ORAI3: variants seen among roughly 807,000 people sequenced by gnomAD.
The protein encoded by ORAI3 is protein orai-3.
Under a neutral mutation model 17.2 loss-of-function variants are expected in ORAI3, and 15 were observed. The observed-to-expected ratio is 0.87, with a 90% CI of 0.58 to 1.34. The LOEUF (loss-of-function observed/expected upper bound fraction) is 1.34, where lower values mean the gene tolerates loss of function less well. Ranked by LOEUF, ORAI3 falls within the 40% of genes most tolerant of loss-of-function variation. The pLI, the probability that ORAI3 is intolerant of heterozygous loss-of-function variation, is 0.00. For missense variants in ORAI3, 405 were observed against 396.7 expected, an observed-to-expected ratio of 1.02 and a Z score of -0.18; for synonymous variants, 178 against 172.4, an observed-to-expected ratio of 1.03 and a Z score of -0.25.
In ORAI3 at chr16:30,949,417, A is replaced by G. The variant is rs1398892271; in HGVS notation, c.128A>G (p.Gln43Arg). The change falls in exon 1 of 2, where the codon CAG becomes CGG. Residue 43 changes from glutamine (Q) to arginine (R), a missense_variant. Gln to Arg is a conservative substitution (Grantham distance 43). Transcript: ENST00000318663. ...RGYLDLMGAS[Q>R]HSLRALSWRR... ...TACCTGGACCTCATGGGGGCCAGTC[A>G]GCACTCGCTGCGGGCGCTCAGCTGG... is the stretch of plus-strand genomic sequence containing the variant. 1.2e-6 allele frequency: 2 copies of G among 1,604,546 alleles called. No individual in the cohort carries two copies. Among genetic ancestry groups the G allele is most frequent in the African/African-American group, 1.3e-5 (1 of 74,746 alleles).
intron 1 of ORAI3, among the ~76,000 whole-genome samples, chr16:30,951,693 CAAG>C (rs2055925610): frequency 6.6e-6 from 1 of 150,614 alleles, no homozygotes; most frequent in Non-Finnish European, 1.5e-5. Context: ...GGCAACATAG[CAAG>C]ACCTGGCATC....
At chr16:30,950,551 G>C (rs1040132488) in intron 1 of ORAI3, among the ~76,000 whole-genome samples, 6 of 152,168 alleles carry the variant, frequency 3.9e-5, no homozygotes, top group Admixed American at 1.3e-4. Context: ...ACTCCTGTGG[G>C]GGTGGATATC....
intron 1 of ORAI3, chr16:30,949,878 T>G: frequency 1.0e-5 from 2 of 196,440 alleles, no homozygotes; most frequent in South Asian, 1.4e-4. Context: ...GCAGGTCAGC[T>G]GGGTGGGGGC....
In ORAI3 at chr16:30,954,233, T is replaced by TG. The variant is rs1186608633; in HGVS notation, c.*389_*390insG. ...GGCAGCCAATTGTTGGTTTAATTTT[T>TG]TTTTTTTTTTGAGACAGTCTGTTTC... On this transcript the variant is annotated 3_prime_UTR_variant, in exon 2 of 2. Coordinates refer to ENST00000318663, the MANE Select transcript of ORAI3 (RefSeq NM_152288.3). The TG allele has an allele frequency of 1.5e-6, 1 of 652,368 alleles. No homozygotes were observed. The highest frequency in any genetic ancestry group is 2.7e-5 in the East Asian group (1 of 36,874). The allele number at this position is 652,368 out of a possible 1,614,324, so 40.4% of individuals were successfully genotyped here. A position where few individuals can be genotyped will look rare whatever the true frequency, so the allele number is the denominator to read the frequency against.
At position 30,949,276 on chromosome 16, in the gene ORAI3, G is replaced by GCCCCC. The variant is rs35221000; in HGVS notation, c.-8_-4dup. Reference sequence around the variant, plus strand: ...CGCCCCGTAGTGACCGCCTGGTGCCGCCCCCCCCCCAGGATGAAGGGCGGC... The same window carrying GCCCCC: ...CGCCCCGTAGTGACCGCCTGGTGCCGCCCCCCCCCCCCCCCAGGATGAAGGGCGGC... On this transcript the variant is annotated 5_prime_UTR_variant, in exon 1 of 2. Coordinates refer to ENST00000318663, the MANE Select transcript of ORAI3 (RefSeq NM_152288.3). 4 of 1,136,226 alleles carry GCCCCC rather than the reference G, an allele frequency of 3.5e-6. No homozygotes were observed. Among genetic ancestry groups the GCCCCC allele is most frequent in the Middle Eastern group, 3.2e-4 (1 of 3,166 alleles). 70.4% of individuals were successfully genotyped at this position (1,136,226 alleles called of 1,614,324 possible).
At position 30,949,157 on chromosome 16, in the gene ORAI3, C is replaced by CT. The variant is rs2055906865; in HGVS notation, c.-132dup. ...CTTGCTCCACTGGGGGTGCCTCTTC[C>CT]TGGGCGCCCGCCGCCTGCATCCTGC... On this transcript the variant is annotated 5_prime_UTR_variant, in exon 1 of 2. Coordinates refer to ENST00000318663, the MANE Select transcript of ORAI3 (RefSeq NM_152288.3). The CT allele has an allele frequency of 5.2e-6, 3 of 576,672 alleles. No individual in the cohort carries two copies. The highest frequency in any genetic ancestry group is 8.3e-6 in the Non-Finnish European group (3 of 359,624). The allele number at this position is 576,672 out of a possible 1,614,324, so 35.7% of individuals were successfully genotyped here.
At position 30,949,156 on chromosome 16, in the gene ORAI3, C is replaced by T. The variant is rs528416724; in HGVS notation, c.-134C>T. 417 of 570,370 alleles carry T rather than the reference C, an allele frequency of 7.3e-4. 1 individual carries two copies. The African/African-American group carries it at 7.3e-3, about 10-fold the overall frequency. 35.3% of individuals were successfully genotyped at this position (570,370 alleles called of 1,614,324 possible). A position where few individuals can be genotyped will look rare whatever the true frequency, so the allele number is the denominator to read the frequency against. On this transcript the variant is annotated 5_prime_UTR_variant, in exon 1 of 2. Transcript: ENST00000318663. ...TCTTGCTCCACTGGGGGTGCCTCTT[C>T]CTGGGCGCCCGCCGCCTGCATCCTG...
At position 30,953,260 on chromosome 16, in the gene ORAI3, A is replaced by C; in HGVS notation, c.304A>C (p.Thr102Pro). The C allele has an allele frequency of 6.2e-7, 1 of 1,612,632 alleles. No homozygotes were observed. Among genetic ancestry groups the C allele is most frequent in the Non-Finnish European group, 8.5e-7 (1 of 1,179,226 alleles). ...PGLLVAFSAC[T>P]TVLVAVHLFA... ...CCTGCTGGTGGCCTTCAGTGCCTGC[A>C]CCACCGTGCTGGTGGCTGTGCACCT... The change falls in exon 2 of 2, where the codon ACC (threonine) becomes CCC (proline). Residue 102 changes from threonine (T) to proline (P), a missense_variant. Coordinates refer to ENST00000318663, the MANE Select transcript of ORAI3 (RefSeq NM_152288.3).
chr16:30,949,529 G>A lies in ORAI3; in HGVS notation c.228+12G>A. On this transcript the variant is annotated intron_variant, in intron 1 of 1. Coordinates refer to ENST00000318663, the MANE Select transcript of ORAI3 (RefSeq NM_152288.3). Reference sequence around the variant, plus strand: ...CGGGCTTCGCCATGGTGAGGGGCCGGGAGGGGTCACACCCGGTGGGGCAGA... The same window carrying A: ...CGGGCTTCGCCATGGTGAGGGGCCGAGAGGGGTCACACCCGGTGGGGCAGA... 6.4e-7 allele frequency: 1 copy of A among 1,558,086 alleles called. No homozygotes were observed. The highest frequency in any genetic ancestry group is 8.6e-7 in the Non-Finnish European group (1 of 1,156,076).
rs553138164 is a variant in ORAI3, at chr16:30,953,861, C to A, written c.*17C>A. On this transcript the variant is annotated 3_prime_UTR_variant, in exon 2 of 2. Transcript: ENST00000318663. ...GCTGTGTGAGACTGGTGTTAGCCAC[C>A]GCTCACTGCAAGCACTGCCTCCCTC... The A allele has an allele frequency of 1.5e-4, 234 of 1,593,440 alleles. No homozygotes were observed. Among genetic ancestry groups the A allele is most frequent in the Non-Finnish European group, 1.8e-4 (208 of 1,171,348 alleles).
chr16:30,954,370 G>T lies in ORAI3; in HGVS notation c.*526G>T. 8.2e-6 allele frequency: 4 copies of T among 490,448 alleles called. 1 individual carries two copies. The highest frequency in any genetic ancestry group is 5.6e-4 in the Middle Eastern group (1 of 1,796). 30.4% of individuals were successfully genotyped at this position (490,448 alleles called of 1,614,324 possible). ...GTAGTGAGTAGCTGGTACTACAGGT[G>T]TGTGCTGCCACACCCGACTAATTTT... On this transcript the variant is annotated 3_prime_UTR_variant, in exon 2 of 2. Coordinates refer to ENST00000318663, the MANE Select transcript of ORAI3 (RefSeq NM_152288.3).
chr16:30,953,116 C>T (rs1338586221), intron 1 of ORAI3, 69 bp from the exon 2 acceptor site: 62 of 1,459,816 alleles, frequency 4.2e-5, no homozygotes, highest in East Asian at 1.8e-4. Flanking sequence ...TGATGTATCC[C>T]GATAGGCGGA....
chr16:30,951,744 CA>C (rs2143417539), intron 1 of ORAI3, among the ~76,000 whole-genome samples: 1 of 152,156 alleles, frequency 6.6e-6, no homozygotes, highest in African/African-American at 2.4e-5. Flanking sequence ...ATGACCTTTC[CA>C]AGGGGAGCAG....
rs929139032 is a variant in ORAI3, at chr16:30,949,317, G to A, written c.28G>A (p.Glu10Lys). The A allele has an allele frequency of 2.1e-6, 3 of 1,438,892 alleles. No individual in the cohort carries two copies. Among genetic ancestry groups the A allele is most frequent in the Non-Finnish European group, 2.7e-6 (3 of 1,098,080 alleles). 89.1% of individuals were successfully genotyped at this position (1,438,892 alleles called of 1,614,324 possible). A position where few individuals can be genotyped will look rare whatever the true frequency, so the allele number is the denominator to read the frequency against. ...GAAGGGCGGCGAGGGGGACGCGGGC[G>A]AGCAGGCCCCGCTGAACCCTGAGGG... MKGGEGDAG[E>K]QAPLNPEGES... is the part of the protein sequence containing the mutation. Residue 10 changes from glutamate to lysine, a missense_variant, in exon 1 of 2, where the codon GAG becomes AAG. Physicochemically the swap from Glu to Lys is moderately conservative, Grantham distance 56. Coordinates refer to ENST00000318663, the MANE Select transcript of ORAI3 (RefSeq NM_152288.3).
In ORAI3 at chr16:30,953,970, G is replaced by A; in HGVS notation, c.*126G>A. ...AGCCACTTCCAGTGGCCACTCTCAGGCAGAGTTCAGATTCCTGCCCGCAGG... is the reference window on the plus strand; with the variant it reads ...AGCCACTTCCAGTGGCCACTCTCAGACAGAGTTCAGATTCCTGCCCGCAGG... On this transcript the variant is annotated 3_prime_UTR_variant, in exon 2 of 2. Transcript: ENST00000318663. 2 of 1,079,718 alleles carry A rather than the reference G, an allele frequency of 1.9e-6. No homozygotes were observed. Among genetic ancestry groups the A allele is most frequent in the Non-Finnish European group, 2.7e-6 (2 of 729,404 alleles). The allele number at this position is 1,079,718 out of a possible 1,614,324, so 66.9% of individuals were successfully genotyped here. A position where few individuals can be genotyped will look rare whatever the true frequency, so the allele number is the denominator to read the frequency against.
At position 30,953,583 on chromosome 16, in the gene ORAI3, T is replaced by A. The variant is rs1596662969; in HGVS notation, c.627T>A (p.Asn209Lys). ...PVATSLSPAS[N>K]LPRSSASAAP... ...CTACCTCCCTTAGTCCAGCTTCCAA[T>A]CTCCCACGGTCCTCTGCGTCTGCAG... The change falls in exon 2 of 2, where the codon AAT (asparagine) becomes AAA (lysine). Residue 209 changes from asparagine to lysine, a missense_variant. Coordinates refer to ENST00000318663, the MANE Select transcript of ORAI3 (RefSeq NM_152288.3). The A allele has an allele frequency of 6.2e-7, 1 of 1,614,150 alleles. No homozygotes were observed. Among genetic ancestry groups the A allele is most frequent in the South Asian group, 1.1e-5 (1 of 91,078 alleles).
At position 30,949,411 on chromosome 16, in the gene ORAI3, C is replaced by T. The variant is rs368358471; in HGVS notation, c.122C>T (p.Ala41Val). 1.2e-6 allele frequency: 2 copies of T among 1,602,596 alleles called. No homozygotes were observed. Among genetic ancestry groups the T allele is most frequent in the Non-Finnish European group, 1.7e-6 (2 of 1,176,102 alleles). The change falls in exon 1 of 2, where the codon GCC becomes GTC. Residue 41 changes from alanine to valine, a missense_variant. By Grantham distance (64) the Ala-to-Val change is moderately conservative. Coordinates refer to ENST00000318663, the MANE Select transcript of ORAI3 (RefSeq NM_152288.3). Reference protein sequence around the residue: ...VHRGYLDLMGASQHSLRALSW... With the variant: ...VHRGYLDLMGVSQHSLRALSW... Reference sequence around the variant, plus strand: ...CGCGGCTACCTGGACCTCATGGGGGCCAGTCAGCACTCGCTGCGGGCGCTC... The same window carrying T: ...CGCGGCTACCTGGACCTCATGGGGGTCAGTCAGCACTCGCTGCGGGCGCTC...
intron 1 of ORAI3, among the ~76,000 whole-genome samples, chr16:30,952,808 G>A (rs1232474383): frequency 6.6e-6 from 1 of 152,130 alleles, no homozygotes; most frequent in Non-Finnish European, 1.5e-5. Context: ...AGGGATTACA[G>A]GCATGTGCCA....
intron 1 of ORAI3, chr16:30,949,792 A>C: frequency 2.3e-6 from 1 of 430,774 alleles, no homozygotes; most frequent in Admixed American, 4.6e-5. Flanking sequence ...GTTGACTGCA[A>C]CAGTGAGGCA....
Sources: gnomAD v4.1 joint callset for allele counts (sites outside exome capture counted in the v4.1 genomes callset) on GRCh38, gnomAD v4.1.1 for gene constraint, MANE v1.5 for transcripts, NCBI Gene and HGNC (gene_info 2026-07-23, HGNC 2026-07-21) for gene names.